The following PTPRG variants were observed in gnomAD, a reference collection of about 807,000 sequenced individuals.
PTPRG encodes the protein receptor-type tyrosine-protein phosphatase gamma.
A neutral mutation model predicts 165.3 loss-of-function variants in PTPRG; 102 were observed. The ratio of observed to expected loss-of-function variants is 0.62; its 90% CI spans 0.53 to 0.73. PTPRG has a LOEUF of 0.73. Ranked by LOEUF, PTPRG falls within the 30% of genes least tolerant of loss-of-function variation. PTPRG has a pLI of 0.00. For missense variants in PTPRG, 1,866 were observed against 1,861.4 expected (o/e 1.00, Z -0.05); for synonymous variants, 675 against 669.5 (o/e 1.01, Z -0.13).
At chr3:61,745,932 G>C (rs992467504) in intron 1 of PTPRG, among the ~76,000 whole-genome samples, 2 of 152,200 alleles carry the variant, frequency 1.3e-5, no homozygotes, top group African/African-American at 4.8e-5. Context: ...TGCTTTAGCA[G>C]GTAAAACTGA....
rs190000162 is a variant in PTPRG at position 62,219,759 on chromosome 3, T to A, written c.2288+776T>A. On this transcript the variant is annotated intron_variant, in intron 13 of 29. Coordinates refer to ENST00000474889, the MANE Select transcript of PTPRG (RefSeq NM_002841.4). The surrounding 1 kb of genome is among the most constrained non-coding windows in gnomAD (Gnocchi z 4.5). ...CTCCCTTCTTTCCATTCACTCAATT[T>A]TGAGCCCACACTTTGTGCCAGTCTT... Among the ~76,000 whole-genome samples, 1 of 152,338 alleles carries A rather than the reference T, an allele frequency of 6.6e-6. No individual in the cohort carries two copies. The highest frequency in any genetic ancestry group is 1.5e-5 in the Non-Finnish European group (1 of 68,026).
chr3:61,809,380 A>G (rs2035507714), intron 2 of PTPRG, among the ~76,000 whole-genome samples: 1 of 152,136 alleles, frequency 6.6e-6, no homozygotes, highest in African/African-American at 2.4e-5. Context: ...GACATTGCCC[A>G]TGAAACAGTT....
intron 23 of PTPRG, among the ~76,000 whole-genome samples, chr3:62,274,232 C>CTATT: frequency 6.6e-6 from 1 of 152,074 alleles, no homozygotes; most frequent in South Asian, 2.1e-4. Context: ...AAAAATATGC[C>CTATT]TATTTCAAAA....
intron 4 of PTPRG, among the ~76,000 whole-genome samples, chr3:62,064,025 G>C (rs868261698): frequency 2.0e-5 from 3 of 152,158 alleles, no homozygotes; most frequent in African/African-American, 7.2e-5. Flanking sequence ...TCTGAGTTAG[G>C]TCCCTAAATG....
At chr3:62,194,859 TG>T (rs1699921559) in intron 9 of PTPRG, among the ~76,000 whole-genome samples, 1 of 151,994 alleles carries the variant, frequency 6.6e-6, no homozygotes, top group East Asian at 1.9e-4. Context: ...ATTTCGGTGT[TG>T]AAAACAGGTT....
rs145821913 is a variant in PTPRG at position 62,081,636 on chromosome 3, C to T, written c.615+3378C>T. Among the ~76,000 whole-genome samples, 920 of 152,304 alleles carry T rather than the reference C, an allele frequency of 6.0e-3. 12 individuals carry two copies. Among genetic ancestry groups the T allele is most frequent in the African/African-American group, 0.02 (841 of 41,556 alleles). ...CTGGGATTATAGGCGTCAGCCACTG[C>T]GCCCGGCCCCTTTGTCTTTCTTGTA... On this transcript the variant is annotated intron_variant, in intron 5 of 29. Transcript: ENST00000474889.
intron 4 of PTPRG, among the ~76,000 whole-genome samples, chr3:62,070,895 C>T (rs1701187144): frequency 6.6e-6 from 1 of 151,598 alleles, no homozygotes; most frequent in African/African-American, 2.4e-5. Flanking sequence ...TCAAAGTAAC[C>T]TGCACAATGT....
At chr3:62,048,113 C>T (rs1700355109) in intron 4 of PTPRG, among the ~76,000 whole-genome samples, 1 of 151,786 alleles carries the variant, frequency 6.6e-6, no homozygotes, top group Non-Finnish European at 1.5e-5. Context: ...TTTAATAGAA[C>T]ATGTTAACAT....
chr3:62,076,012 G>C (rs75880644), intron 4 of PTPRG, among the ~76,000 whole-genome samples: 2 of 152,054 alleles, frequency 1.3e-5, no homozygotes, highest in Non-Finnish European at 2.9e-5. Context: ...GCAGTGGTTC[G>C]TGCATGTAAT....
intron 9 of PTPRG, among the ~76,000 whole-genome samples, chr3:62,191,888 G>A (rs1425150824): frequency 1.3e-5 from 2 of 152,154 alleles, no homozygotes; most frequent in African/African-American, 4.8e-5. Context: ...CCGGAGAGCC[G>A]GTTCATTTCT....
intron 5 of PTPRG, among the ~76,000 whole-genome samples, chr3:62,110,987 T>C (rs1702649658): frequency 2.0e-5 from 3 of 152,196 alleles, no homozygotes; most frequent in Non-Finnish European, 1.5e-5. Flanking sequence ...TTGTGGAATG[T>C]CATTGTTTTA....
At chr3:61,772,444 A>G (rs2034237881) in intron 2 of PTPRG, among the ~76,000 whole-genome samples, 2 of 152,082 alleles carry the variant, frequency 1.3e-5, no homozygotes, top group South Asian at 4.1e-4. Context: ...TTTATAAAGT[A>G]TAAAATATTA....
At chr3:61,604,806 TAGGAGAGAAGG>T (rs1444381158) in intron 1 of PTPRG, among the ~76,000 whole-genome samples, 1 of 151,998 alleles carries the variant, frequency 6.6e-6, no homozygotes, top group African/African-American at 2.4e-5. Context: ...TGTGGCAAAG[TAGGAGAGAAGG>T]AGTATCTGTT....
intron 2 of PTPRG, among the ~76,000 whole-genome samples, chr3:61,959,336 G>A (rs140896342): frequency 2.6e-5 from 4 of 152,212 alleles, no homozygotes; most frequent in East Asian, 3.9e-4. Flanking sequence ...CCAAGCCAGC[G>A]GTCCCCAACC....
At chr3:61,625,656 T>G (rs1343468378) in intron 1 of PTPRG, among the ~76,000 whole-genome samples, 4 of 152,182 alleles carry the variant, frequency 2.6e-5, no homozygotes, top group Non-Finnish European at 4.4e-5. Flanking sequence ...GGATGTTTGC[T>G]GCTCTCGATG....
At chr3:61,717,899 G>A (rs546028626) in intron 1 of PTPRG, among the ~76,000 whole-genome samples, 1 of 152,084 alleles carries the variant, frequency 6.6e-6, no homozygotes, top group Non-Finnish European at 1.5e-5. Flanking sequence ...ACTAAGACTC[G>A]ACTGGGTATG....
intron 2 of PTPRG, among the ~76,000 whole-genome samples, chr3:61,827,782 G>A: frequency 6.6e-6 from 1 of 151,964 alleles, no homozygotes; most frequent in Non-Finnish European, 1.5e-5. Context: ...CTAAGCTATA[G>A]GTCATCACTG....
intron 2 of PTPRG, among the ~76,000 whole-genome samples, chr3:61,847,698 A>G (rs771228175): frequency 1.3e-4 from 20 of 152,230 alleles, no homozygotes; most frequent in Non-Finnish European, 2.9e-4. Context: ...GATTGTATGA[A>G]GCATGTTCTT....
chr3:62,018,056 C>T (rs2041594745), intron 4 of PTPRG, among the ~76,000 whole-genome samples: 2 of 152,170 alleles, frequency 1.3e-5, no homozygotes, highest in Admixed American at 1.3e-4. Flanking sequence ...TTGGTCCAGT[C>T]CTCATACCAT....
Sources: gnomAD v4.1 joint callset for allele counts (sites outside exome capture counted in the v4.1 genomes callset) on GRCh38, gnomAD v4.1.1 for gene constraint, Gnocchi (gnomAD v3.1) non-coding constraint, MANE v1.5 for transcripts, NCBI Gene and HGNC (gene_info 2026-07-23, HGNC 2026-07-21) for gene names.